The following UBR1 variants were observed in gnomAD, a reference collection of about 807,000 sequenced individuals.
The protein encoded by UBR1 is E3 ubiquitin-protein ligase UBR1.
In UBR1, 102 loss-of-function variants were observed where a neutral mutation model predicts 242.1. The observed-to-expected ratio is 0.42, with a 90% confidence interval of 0.36 to 0.50. The LOEUF (loss-of-function observed/expected upper bound fraction) is 0.50. UBR1 is among the 20% of genes least tolerant of loss of function. The pLI is 0.01. For synonymous variants in UBR1, 675 were observed against 684.8 expected (o/e 0.99, Z 0.22); for missense variants, 1,772 against 2,101.8 (o/e 0.84, Z 3.07).
chr15:42,948,016 G>A (rs1460409079), intron 46 of UBR1, among the ~76,000 whole-genome samples: 13 of 152,244 alleles, frequency 8.5e-5, no homozygotes, highest in East Asian at 3.9e-4. Context: ...GAGGCATCAC[G>A]CTACCTGACT....
Position 42,950,070 on chromosome 15 carries a change from C to T in UBR1, c.5108+192G>A, listed in dbSNP as rs12914380. 0.1 allele frequency among the ~76,000 whole-genome samples: 15,345 copies of T among 151,788 alleles called. 1,080 individuals carry two copies. Among genetic ancestry groups the T allele is most frequent in the South Asian group, 0.2 (943 of 4,782 alleles). On this transcript the variant is annotated intron_variant, in intron 46 of 46. Coordinates refer to ENST00000290650, the MANE Select transcript of UBR1 (RefSeq NM_174916.3). The stretch of plus-strand genomic sequence containing the variant: ...GCCAGGCTGGTCTCAAACTCCTGGC[C>T]GCAAATGATCTGCCTGCTTCGGCCT...
chr15:43,096,833 C>A (rs1178066186), intron 1 of UBR1, among the ~76,000 whole-genome samples: 2 of 152,150 alleles, frequency 1.3e-5, no homozygotes, highest in Admixed American at 6.6e-5. Flanking sequence ...ACCACATCTG[C>A]AGTTACTTCC....
intron 42 of UBR1, 73 bp from the exon 43 acceptor site, chr15:42,960,774 CTCTTT>C: frequency 6.6e-7 from 1 of 1,503,916 alleles, no homozygotes; most frequent in Non-Finnish European, 9.2e-7. Flanking sequence ...ACAAGCCATT[CTCTTT>C]TTTTTTTGAG....
chr15:42,962,847 A>G (rs1460067928), intron 42 of UBR1, among the ~76,000 whole-genome samples: 3 of 151,932 alleles, frequency 2.0e-5, no homozygotes, highest in African/African-American at 7.3e-5. Context: ...TTCCCCTCCC[A>G]CTGGCTGAAC....
chr15:43,057,055 A>G (rs1019239999), intron 10 of UBR1, among the ~76,000 whole-genome samples: 1 of 152,176 alleles, frequency 6.6e-6, no homozygotes, highest in South Asian at 2.1e-4. Flanking sequence ...TTTAAGTTAG[A>G]TACTTTACCC....
At chr15:43,102,007 G>A (rs1043139598) in intron 1 of UBR1, among the ~76,000 whole-genome samples, 1 of 150,182 alleles carries the variant, frequency 6.7e-6, no homozygotes, top group Non-Finnish European at 1.5e-5. Context: ...AGGCATGGTG[G>A]TGCATGCCTG....
intron 29 of UBR1, among the ~76,000 whole-genome samples, chr15:43,008,560 G>A (rs775782148): frequency 1.3e-5 from 2 of 152,260 alleles, no homozygotes; most frequent in Non-Finnish European, 2.9e-5. Flanking sequence ...ATGATATGTT[G>A]ATGGCGGCAG....
At position 43,044,058 on chromosome 15, in the gene UBR1, A is replaced by T. The variant is rs145010389; in HGVS notation, c.1669-663T>A. On this transcript the variant is annotated intron_variant, in intron 14 of 46. Coordinates refer to ENST00000290650, the MANE Select transcript of UBR1 (RefSeq NM_174916.3). ...GGAGAAGATGGCATTCTAAGCAGAG[A>T]TATAAAATAAATAAAGACAAAAATA... Among the ~76,000 whole-genome samples, 664 of 152,344 alleles carry T rather than the reference A, an allele frequency of 4.4e-3. 1 individual carries two copies. The highest frequency in any genetic ancestry group is 0.014 in the Middle Eastern group (4 of 294).
chr15:43,101,142 G>T (rs1329926317), intron 1 of UBR1, among the ~76,000 whole-genome samples: 1 of 152,220 alleles, frequency 6.6e-6, no homozygotes, highest in African/African-American at 2.4e-5. Context: ...AGGCCAGGAT[G>T]AGTGAGGAGA....
chr15:43,069,532 C>T (rs1327815090), intron 5 of UBR1, among the ~76,000 whole-genome samples: 2 of 152,234 alleles, frequency 1.3e-5, no homozygotes, highest in African/African-American at 2.4e-5. Flanking sequence ...ACCTCGGCCT[C>T]CCAAAGTGCT....
chr15:43,094,129 T>C (rs1330364341), intron 1 of UBR1, among the ~76,000 whole-genome samples: 2 of 152,126 alleles, frequency 1.3e-5, no homozygotes, highest in African/African-American at 4.8e-5. Context: ...AGCACTAAAC[T>C]GCTTCAAAAG....
At chr15:43,059,946 G>T in intron 7 of UBR1, 106 bp downstream of exon 7, 1 of 1,538,868 alleles carries the variant, frequency 6.5e-7, no homozygotes, top group Non-Finnish European at 9.0e-7. Context: ...GCATCTAGGT[G>T]CCCCAAACCA....
chr15:42,981,766 C>T (rs533206347), intron 37 of UBR1, among the ~76,000 whole-genome samples: 2 of 152,232 alleles, frequency 1.3e-5, no homozygotes, highest in South Asian at 4.2e-4. Context: ...ATATTTGAAG[C>T]ATGTATTAGT....
chr15:42,992,648 G>GT (rs2032573693), intron 33 of UBR1, among the ~76,000 whole-genome samples: 1 of 152,180 alleles, frequency 6.6e-6, no homozygotes, highest in South Asian at 2.1e-4. Flanking sequence ...CAGCTTGGAG[G>GT]TGAGCCCAGG....
At chr15:43,046,159 T>G (rs1261449133) in intron 14 of UBR1, among the ~76,000 whole-genome samples, 1 of 152,232 alleles carries the variant, frequency 6.6e-6, no homozygotes, top group Admixed American at 6.5e-5. Flanking sequence ...CCTCATCACC[T>G]AACAATTGTG....
intron 41 of UBR1, among the ~76,000 whole-genome samples, chr15:42,965,763 G>A (rs1252442357): frequency 6.6e-6 from 1 of 152,216 alleles, no homozygotes; most frequent in Middle Eastern, 3.4e-3. Flanking sequence ...CACCACACCC[G>A]GCCTACATGT....
intron 27 of UBR1, among the ~76,000 whole-genome samples, chr15:43,019,668 C>T (rs556527161): frequency 1.6e-4 from 24 of 149,950 alleles, no homozygotes; most frequent in Non-Finnish European, 2.8e-4. Context: ...CTGCAACCTC[C>T]GCCCTCAGAG....
At chr15:43,070,995 T>C in intron 4 of UBR1, 70 bp from the exon 5 acceptor site, 1 of 1,568,074 alleles carries the variant, frequency 6.4e-7, no homozygotes, top group Non-Finnish European at 8.7e-7. Context: ...AAGGTAATGT[T>C]AAGTTAAAAT....
At chr15:42,959,413 C>T (rs2031978516) in intron 43 of UBR1, among the ~76,000 whole-genome samples, 1 of 152,084 alleles carries the variant, frequency 6.6e-6, no homozygotes, top group African/African-American at 2.4e-5. Context: ...ACTAACCTTG[C>T]CTCATTAACA....
Sources: allele counts gnomAD v4.1 joint callset (sites outside exome capture counted in the v4.1 genomes callset), GRCh38; gene constraint gnomAD v4.1.1; transcripts MANE v1.5; gene names NCBI Gene and HGNC (gene_info 2026-07-23, HGNC 2026-07-21).